Variants in CNTNAP5 observed in about 807,000 individuals in gnomAD.
CNTNAP5 encodes the protein contactin-associated protein-like 5.
In CNTNAP5, 72 loss-of-function variants were observed where a neutral mutation model predicts 150.2. The ratio of observed to expected loss-of-function variants is 0.48; its 90% CI spans 0.40 to 0.58. CNTNAP5 has a LOEUF of 0.58. Among genes scored for constraint, CNTNAP5 ranks in the 20% least tolerant of loss-of-function variants. The probability of loss-of-function intolerance (pLI) is 0.00; values close to 1 mark genes in which losing one functional copy is unlikely to be tolerated. For missense variants in CNTNAP5, 1,636 were observed against 1,626.2 expected (o/e 1.01, Z -0.10); for synonymous variants, 672 against 619.8 (o/e 1.08, Z -1.25).
chr2:124,720,084 G>A (rs1680020074), intron 13 of CNTNAP5, among the ~76,000 whole-genome samples: 1 of 152,194 alleles, frequency 6.6e-6, no homozygotes, highest in South Asian at 2.1e-4. Flanking sequence ...GAGACTCTGA[G>A]CTCCAGGACA....
At chr2:124,497,749 A>G (rs966771403) in intron 7 of CNTNAP5, among the ~76,000 whole-genome samples, 1 of 152,182 alleles carries the variant, frequency 6.6e-6, no homozygotes, top group Non-Finnish European at 1.5e-5. Context: ...GGAATGTTTG[A>G]CTAACATGGA....
chr2:124,779,776 C>T (rs1681408259), intron 17 of CNTNAP5, among the ~76,000 whole-genome samples: 1 of 152,148 alleles, frequency 6.6e-6, no homozygotes, highest in South Asian at 2.1e-4. Flanking sequence ...TGACAGACTC[C>T]TCTTCATGGA....
intron 1 of CNTNAP5, among the ~76,000 whole-genome samples, chr2:124,163,367 T>C (rs930758469): frequency 4.6e-5 from 7 of 152,146 alleles, no homozygotes; most frequent in Admixed American, 2.6e-4. Context: ...CAAATTGTCA[T>C]CATAGGAGAC....
chr2:124,720,540 T>C (rs114307935), intron 13 of CNTNAP5, among the ~76,000 whole-genome samples: 3,832 of 152,178 alleles, frequency 0.025, 169 homozygotes, highest in African/African-American at 0.089. Flanking sequence ...AAAAAATGAC[T>C]CAGAAAATCA....
At chr2:124,097,144 C>G (rs1392603035) in intron 1 of CNTNAP5, among the ~76,000 whole-genome samples, 1 of 152,130 alleles carries the variant, frequency 6.6e-6, no homozygotes, top group Admixed American at 6.5e-5. Context: ...ATATTATCTC[C>G]TCAGATTCTC....
intron 4 of CNTNAP5, among the ~76,000 whole-genome samples, chr2:124,429,981 C>T (rs936395371): frequency 3.3e-5 from 5 of 152,274 alleles, no homozygotes; most frequent in South Asian, 2.1e-4. Flanking sequence ...TGGCAAACAG[C>T]GTACATCTGG....
intron 13 of CNTNAP5, among the ~76,000 whole-genome samples, chr2:124,723,812 G>A (rs967617884): frequency 1.6e-4 from 24 of 152,050 alleles, no homozygotes; most frequent in Admixed American, 1.0e-3. Context: ...ATTTGAACCC[G>A]CCCAAACAGC....
intron 4 of CNTNAP5, among the ~76,000 whole-genome samples, chr2:124,420,418 T>G (rs1199716632): frequency 6.6e-6 from 1 of 152,132 alleles, no homozygotes; most frequent in Admixed American, 6.6e-5. Context: ...GAATGGCTTC[T>G]CTCTAAAACT....
chr2:124,753,300 T>G (rs2105152569), intron 14 of CNTNAP5, among the ~76,000 whole-genome samples: 1 of 152,328 alleles, frequency 6.6e-6, no homozygotes, highest in African/African-American at 2.4e-5. Flanking sequence ...CTACTTACTC[T>G]TTGGTTCTAC....
chr2:124,678,533 G>T (rs1678995030), intron 13 of CNTNAP5, among the ~76,000 whole-genome samples: 1 of 151,500 alleles, frequency 6.6e-6, no homozygotes, highest in African/African-American at 2.4e-5. Context: ...AGAATGTGAG[G>T]GTTTGGACCT....
At chr2:124,820,058 C>T (rs886618630) in intron 19 of CNTNAP5, among the ~76,000 whole-genome samples, 1 of 152,112 alleles carries the variant, frequency 6.6e-6, no homozygotes, top group African/African-American at 2.4e-5. Flanking sequence ...CAGAAATGGG[C>T]CAGACCTGGA....
At chr2:124,191,142 T>G (rs1685448355) in intron 1 of CNTNAP5, among the ~76,000 whole-genome samples, 1 of 152,240 alleles carries the variant, frequency 6.6e-6, no homozygotes, top group Non-Finnish European at 1.5e-5. Flanking sequence ...CAAACACCAA[T>G]AGGTATCTTT....
At chr2:124,100,086 G>GCAGCCTGTATAGGAAGCATAA (rs146081030) in intron 1 of CNTNAP5, among the ~76,000 whole-genome samples, 1 of 152,124 alleles carries the variant, frequency 6.6e-6, no homozygotes, top group Non-Finnish European at 1.5e-5. Context: ...TCACCGTTAT[G>GCAGCCTGTATAGGAAGCATAA]CAGCTTCTGC....
At chr2:124,419,140 CAAAAAA>C (rs778863758) in intron 4 of CNTNAP5, among the ~76,000 whole-genome samples, 28 of 28,914 alleles carry the variant, frequency 9.7e-4, no homozygotes, top group South Asian at 3.3e-3. Flanking sequence ...GACTCCTTCT[CAAAAAA>C]AAAAAAAAAA....
At chr2:124,382,711 T>C (rs568518657) in intron 3 of CNTNAP5, among the ~76,000 whole-genome samples, 109 of 152,220 alleles carry the variant, frequency 7.2e-4, no homozygotes, top group African/African-American at 2.4e-3. Context: ...TGAAAGGCTT[T>C]GCAAACAGTA....
intron 1 of CNTNAP5, among the ~76,000 whole-genome samples, chr2:124,180,814 G>A (rs1685190489): frequency 7.2e-6 from 1 of 139,810 alleles, no homozygotes; most frequent in Non-Finnish European, 1.5e-5. Flanking sequence ...TGCTGTGTAA[G>A]TTATAGGAAA....
intron 1 of CNTNAP5, among the ~76,000 whole-genome samples, chr2:124,076,190 C>G (rs1225632253): frequency 2.0e-5 from 3 of 152,094 alleles, no homozygotes; most frequent in Non-Finnish European, 4.4e-5. Context: ...GAATCTCAAA[C>G]CCTGACTTCA....
At chr2:124,240,374 G>A (rs1040600104) in intron 2 of CNTNAP5, among the ~76,000 whole-genome samples, 4 of 152,148 alleles carry the variant, frequency 2.6e-5, no homozygotes, top group East Asian at 1.9e-4. Context: ...GAAGGAGCAC[G>A]CTAGCCTGGA....
At chr2:124,898,626 G>A (rs1678355449) in intron 21 of CNTNAP5, among the ~76,000 whole-genome samples, 1 of 151,538 alleles carries the variant, frequency 6.6e-6, no homozygotes, top group South Asian at 2.1e-4. Context: ...TTTAAAATAA[G>A]TTAACTAAGT....
Sources: allele counts gnomAD v4.1 joint callset (sites outside exome capture counted in the v4.1 genomes callset), GRCh38; gene constraint gnomAD v4.1.1; transcripts MANE v1.5; gene names NCBI Gene and HGNC (gene_info 2026-07-23, HGNC 2026-07-21).